Variants in GALNT18 observed in about 807,000 individuals in gnomAD.
GALNT18 encodes polypeptide N-acetylgalactosaminyltransferase 18.
Under a neutral mutation model 69.5 loss-of-function variants are expected in GALNT18, and 44 were observed. The ratio of observed to expected loss-of-function variants is 0.63; its 90% CI spans 0.50 to 0.81. GALNT18 has a LOEUF of 0.81. Ranked by LOEUF, GALNT18 falls within the 40% of genes least tolerant of loss-of-function variation. GALNT18 has a pLI of 0.00. For missense variants in GALNT18, 715 were observed against 810.0 expected (o/e 0.88, Z 1.42); for synonymous variants, 364 against 318.2 (o/e 1.14, Z -1.53).
intron 1 of GALNT18, among the ~76,000 whole-genome samples, chr11:11,588,488 A>G (rs368109838): frequency 6.6e-6 from 1 of 152,212 alleles, no homozygotes; most frequent in African/African-American, 2.4e-5. Flanking sequence ...GCCTCTGTCT[A>G]CTAGTCATGA....
chr11:11,518,101 CA>C, intron 1 of GALNT18, among the ~76,000 whole-genome samples: 1 of 152,180 alleles, frequency 6.6e-6, no homozygotes, highest in Non-Finnish European at 1.5e-5. Flanking sequence ...GTGTCATCCT[CA>C]AACATAAAAC....
Position 11,616,765 on chromosome 11 carries a change from A to C in GALNT18, c.235+4594T>G, listed in dbSNP as rs1383541644. ...CCAGTGGTCCACTGGGTTTGTTCTC[A>C]AACGTGTTTACACTATTTGTACTTG... On this transcript the variant is annotated intron_variant, in intron 1 of 10. Coordinates refer to ENST00000227756, the MANE Select transcript of GALNT18 (RefSeq NM_198516.3). This position sits in a 1 kb window ranked among gnomAD's most constrained non-coding sequence, Gnocchi z 4.4. 1.3e-5 allele frequency among the ~76,000 whole-genome samples: 2 copies of C among 152,254 alleles called. No individual in the cohort carries two copies. The highest frequency in any genetic ancestry group is 2.9e-5 in the Non-Finnish European group (2 of 68,048).
chr11:11,560,509 C>G (rs1037019648), intron 1 of GALNT18, among the ~76,000 whole-genome samples: 12 of 152,168 alleles, frequency 7.9e-5, no homozygotes, highest in Non-Finnish European at 1.5e-4. Flanking sequence ...TCCTTGGTGA[C>G]ATCAGACCAG....
intron 6 of GALNT18, among the ~76,000 whole-genome samples, chr11:11,346,981 T>G (rs1850315238): frequency 1.3e-5 from 2 of 152,200 alleles, no homozygotes; most frequent in African/African-American, 4.8e-5. Flanking sequence ...ATGCTGTATA[T>G]GACAAGCTCC....
rs1252366387 is a variant in GALNT18, at chr11:11,497,720, G to A, written c.236-48784C>T. ...AAGCAGGAATCACTGAAATTGTGCA[G>A]ATAAATGTGTATGTGCATATACATA... is the stretch of plus-strand genomic sequence containing the variant. On this transcript the variant is annotated intron_variant, in intron 1 of 10. Coordinates refer to ENST00000227756, the MANE Select transcript of GALNT18 (RefSeq NM_198516.3). This position sits in a 1 kb window ranked among gnomAD's most constrained non-coding sequence, Gnocchi z 4.2. Among the ~76,000 whole-genome samples, 3 of 147,804 alleles carry A rather than the reference G, an allele frequency of 2.0e-5. No individual in the cohort carries two copies. The highest frequency in any genetic ancestry group is 7.5e-5 in the African/African-American group (3 of 40,042).
intron 3 of GALNT18, among the ~76,000 whole-genome samples, chr11:11,416,701 C>T (rs1854870269): frequency 6.6e-6 from 1 of 152,204 alleles, no homozygotes; most frequent in African/African-American, 2.4e-5. Context: ...GCCGCCACCA[C>T]ACCAACCACA....
rs1477377907 is a variant in GALNT18, at chr11:11,614,774, C to T, written c.235+6585G>A. ...GACAAAACCAGACGTGGCTCTCTGA[C>T]ACTTTTCATTCTGAATTCTCCTTGA... is the stretch of plus-strand genomic sequence containing the variant. On this transcript the variant is annotated intron_variant, in intron 1 of 10. Coordinates refer to ENST00000227756, the MANE Select transcript of GALNT18 (RefSeq NM_198516.3). The surrounding 1 kb of genome is among the most constrained non-coding windows in gnomAD (Gnocchi z 5.6). 1.3e-5 allele frequency among the ~76,000 whole-genome samples: 2 copies of T among 152,218 alleles called. No individual in the cohort carries two copies. Among genetic ancestry groups the T allele is most frequent in the African/African-American group, 4.8e-5 (2 of 41,452 alleles).
At chr11:11,528,952 T>C (rs9633878) in intron 1 of GALNT18, among the ~76,000 whole-genome samples, 114,164 of 152,110 alleles carry the variant, frequency 0.75, 43,165 homozygotes, top group East Asian at 0.95. Context: ...ATGGGCAGAG[T>C]TTTGACATTC....
chr11:11,594,684 A>G (rs1859443514), intron 1 of GALNT18, among the ~76,000 whole-genome samples: 1 of 151,978 alleles, frequency 6.6e-6, no homozygotes. Context: ...CCATAGATAT[A>G]CCATATTTGT....
intron 9 of GALNT18, among the ~76,000 whole-genome samples, chr11:11,307,818 A>G (rs1019099586): frequency 2.0e-5 from 3 of 152,178 alleles, no homozygotes; most frequent in Non-Finnish European, 4.4e-5. Flanking sequence ...TTCCTTTGGC[A>G]CAGTGGAAAC....
intron 1 of GALNT18, among the ~76,000 whole-genome samples, chr11:11,547,416 T>C (rs1450935401): frequency 2.0e-5 from 3 of 152,230 alleles, no homozygotes; most frequent in Non-Finnish European, 4.4e-5. Context: ...ATAAGGCCTG[T>C]GGGACCAGGC....
intron 1 of GALNT18, among the ~76,000 whole-genome samples, chr11:11,536,402 A>C (rs7131420): frequency 0.016 from 2,452 of 152,266 alleles, 66 homozygotes; most frequent in African/African-American, 0.055. Flanking sequence ...CTAAAGCCCC[A>C]GTGCTAAGCC....
rs924771301 is a variant in GALNT18 at position 11,590,543 on chromosome 11, G to T, written c.235+30816C>A. 1.3e-5 allele frequency among the ~76,000 whole-genome samples: 2 copies of T among 152,188 alleles called. No homozygotes were observed. The highest frequency in any genetic ancestry group is 4.8e-5 in the African/African-American group (2 of 41,450). On this transcript the variant is annotated intron_variant, in intron 1 of 10. Transcript: ENST00000227756. This position sits in a 1 kb window ranked among gnomAD's most constrained non-coding sequence, Gnocchi z 4.4. ...TGTTCTGCTGCATCAGTGCAACAGG[G>T]ATATACTAGTGAGATATCACTCCCA...
chr11:11,379,852 T>C (rs1157917213), intron 3 of GALNT18, among the ~76,000 whole-genome samples: 1 of 152,244 alleles, frequency 6.6e-6, no homozygotes, highest in Non-Finnish European at 1.5e-5. Flanking sequence ...GTCCTGGACC[T>C]GGCTAAGCAT....
In GALNT18 at chr11:11,455,061, G is replaced by A. The variant is rs1387781878; in HGVS notation, c.236-6125C>T. Among the ~76,000 whole-genome samples the A allele has an allele frequency of 4.6e-5, 7 of 152,202 alleles. No homozygotes were observed. The East Asian group carries it at 1.4e-3, about 29-fold the overall frequency. Reference sequence around the variant, plus strand: ...CCCAGGGTGCGGGGAGCTGCAGCTTGGCCAGCCCTATTCAGAGATGCTCCC... The same window carrying A: ...CCCAGGGTGCGGGGAGCTGCAGCTTAGCCAGCCCTATTCAGAGATGCTCCC... On this transcript the variant is annotated intron_variant, in intron 1 of 10. Transcript: ENST00000227756.
chr11:11,556,404 C>G (rs2133976114), intron 1 of GALNT18, among the ~76,000 whole-genome samples: 1 of 152,316 alleles, frequency 6.6e-6, no homozygotes, highest in African/African-American at 2.4e-5. Context: ...GGTAAGTCGC[C>G]AACATGGCAC....
chr11:11,280,540 C>T (rs924683453), intron 10 of GALNT18, among the ~76,000 whole-genome samples: 2 of 152,148 alleles, frequency 1.3e-5, no homozygotes, highest in African/African-American at 2.4e-5. Flanking sequence ...GCCTGCTGTT[C>T]CTCCACACCT....
chr11:11,458,107 C>T (rs534045762), intron 1 of GALNT18, among the ~76,000 whole-genome samples: 1 of 152,290 alleles, frequency 6.6e-6, no homozygotes, highest in South Asian at 2.1e-4. Context: ...CTTCCCTCCC[C>T]GCTTCTGGGT....
At chr11:11,408,364 CAAAAAAAAAAAAAAAAA>C (rs57957956) in intron 3 of GALNT18, among the ~76,000 whole-genome samples, 1 of 70,900 alleles carries the variant, frequency 1.4e-5, no homozygotes, top group Non-Finnish European at 2.9e-5. Context: ...GACTTCATCT[CAAAAAAAAAAAAAAAAA>C]AAAAAAAAAG....
Sources: allele counts gnomAD v4.1 joint callset (sites outside exome capture counted in the v4.1 genomes callset), GRCh38; gene constraint gnomAD v4.1.1; non-coding constraint Gnocchi (gnomAD v3.1); transcripts MANE v1.5; gene names NCBI Gene and HGNC (gene_info 2026-07-23, HGNC 2026-07-21).